NR1I3: variants seen among roughly 807,000 people sequenced by gnomAD.
NR1I3 encodes the protein nuclear receptor subfamily 1 group I member 3.
A neutral mutation model predicts 38.4 loss-of-function variants in NR1I3; 30 were observed. The ratio of observed to expected loss-of-function variants is 0.78; its 90% CI spans 0.58 to 1.06. The LOEUF is 1.06. Ranked by LOEUF, NR1I3 falls within the 50% of genes least tolerant of loss-of-function variation. The pLI, the probability that NR1I3 is intolerant of heterozygous loss-of-function variation, is 0.00. For missense variants in NR1I3, 388 were observed against 435.7 expected (o/e 0.89, Z 0.97); for synonymous variants, 143 against 165.1 (o/e 0.87, Z 1.03).
intron 8 of NR1I3, 189 bp downstream of exon 8, chr1:161,230,624 G>A (rs1666958932): frequency 1.4e-6 from 1 of 716,058 alleles, no homozygotes; most frequent in East Asian, 2.7e-5. Context: ...TGAAACAGCA[G>A]TATCCAAATA....
rs772360080 is a variant in NR1I3 at position 161,238,024 on chromosome 1, C to A, written c.-34+17G>T. 3 of 1,608,536 alleles carry A rather than the reference C, an allele frequency of 1.9e-6. No homozygotes were observed. The Admixed American group carries it at 5.0e-5, about 27-fold the overall frequency. On this transcript the variant is annotated intron_variant, in intron 1 of 8. Transcript: ENST00000367983. ...ATTTTATTACATTTAGTCTTTGGTC[C>A]CCAACAGATTTCCTACCTGCTTCTC...
In NR1I3 at chr1:161,231,040, G is replaced by A. The variant is rs766531510; in HGVS notation, c.811+77C>T. The stretch of plus-strand genomic sequence containing the variant: ...TTTGATAGCTAGGCTAGAAGGCCTG[G>A]GTGGATGGACTCAAGGAGCTGAGTA... On this transcript the variant is annotated intron_variant, in intron 7 of 8. Coordinates refer to ENST00000367983, the MANE Select transcript of NR1I3 (RefSeq NM_005122.5). 5.0e-6 allele frequency: 8 copies of A among 1,613,374 alleles called. No homozygotes were observed. In the South Asian group the frequency reaches 5.5e-5, roughly 11 times the overall value.
intron 6 of NR1I3, 43 bp downstream of exon 6, chr1:161,231,286 A>AC (rs1667209696): frequency 6.2e-7 from 1 of 1,611,358 alleles, no homozygotes; most frequent in Non-Finnish European, 8.5e-7. Context: ...CACATCCTGT[A>AC]CCATGAGGAC....
At chr1:161,231,882 G>C (rs965595151) in intron 5 of NR1I3, among the ~76,000 whole-genome samples, 1 of 151,976 alleles carries the variant, frequency 6.6e-6, no homozygotes, top group Non-Finnish European at 1.5e-5. Context: ...GGGTGGTCTC[G>C]AACTCCTAGG....
At position 161,236,491 on chromosome 1, in the gene NR1I3, C is replaced by A; in HGVS notation, c.75G>T (p.Ala25=). 3 of 1,614,108 alleles carry A rather than the reference C, an allele frequency of 1.9e-6. No individual in the cohort carries two copies. Among genetic ancestry groups the A allele is most frequent in the Non-Finnish European group, 1.7e-6 (2 of 1,180,022 alleles). ...AACCCTTGCAGCCCTCACAAGTCAG[C>A]GCATTAAAGTGGTAGCCTGTGGCTT... is the stretch of plus-strand genomic sequence containing the variant. The part of the protein sequence containing the change: ...GDQATGYHFN[A]LTCEGCKGFF... Residue 25 remains alanine, a synonymous_variant, in exon 2 of 9, where the codon GCG becomes GCT. Coordinates refer to ENST00000367983, the MANE Select transcript of NR1I3 (RefSeq NM_005122.5).
intron 3 of NR1I3, among the ~76,000 whole-genome samples, chr1:161,233,937 A>ATGTATATATG (rs57506256): frequency 0.3 from 43,533 of 143,384 alleles, 7,033 homozygotes; most frequent in African/African-American, 0.38. Context: ...ATGTGTATAC[A>ATGTATATATG]TGTATATATG....
In NR1I3 at chr1:161,231,391, CAG is replaced by C; in HGVS notation, c.630_631del (p.Phe210LeufsTer17). On this transcript the variant is annotated frameshift_variant, in exon 6 of 9. Coordinates refer to ENST00000367983, the MANE Select transcript of NR1I3 (RefSeq NM_005122.5). LOFTEE classifies it high-confidence loss of function. ...GCAGAGGAAGTTTTGTGTTTGGAGA[CAG>C]AAAGTGGTATTGAGTACGATGTGAC... 3 of 1,563,964 alleles carry C rather than the reference CAG, an allele frequency of 1.9e-6. No homozygotes were observed. Among genetic ancestry groups the C allele is most frequent in the Non-Finnish European group, 2.6e-6 (3 of 1,159,258 alleles).
chr1:161,235,254 G>GTTTT, intron 3 of NR1I3: 3 of 92,110 alleles, frequency 3.3e-5, no homozygotes, highest in African/African-American at 4.9e-5. Flanking sequence ...AGTGCGCTTG[G>GTTTT]TGTTTTTTTT....
intron 2 of NR1I3, chr1:161,236,242 G>A: frequency 1.5e-6 from 1 of 657,368 alleles, no homozygotes; most frequent in Non-Finnish European, 2.6e-6. Flanking sequence ...CTAATGGGCT[G>A]TGTCCATCAG....
At chr1:161,230,766 C>G in intron 8 of NR1I3, 47 bp downstream of exon 8, 1 of 1,612,588 alleles carries the variant, frequency 6.2e-7, no homozygotes, top group Non-Finnish European at 8.5e-7. Flanking sequence ...TTCACCAACC[C>G]CTTCCTGCCC....
intron 3 of NR1I3, among the ~76,000 whole-genome samples, chr1:161,234,928 CCAGGAG>C (rs2102176849): frequency 6.6e-6 from 1 of 152,170 alleles, no homozygotes; most frequent in South Asian, 2.1e-4. Flanking sequence ...TCGCCTGAGG[CCAGGAG>C]TTTGAGACCA....
At chr1:161,233,110 A>G in intron 4 of NR1I3, 59 bp downstream of exon 4, 1 of 1,597,982 alleles carries the variant, frequency 6.3e-7, no homozygotes, top group Non-Finnish European at 8.6e-7. Context: ...TCTCCTTCAG[A>G]CCAGCATTTT....
chr1:161,229,769 T>A lies in NR1I3; in HGVS notation c.*28A>T, dbSNP rs748367918. The A allele has an allele frequency of 3.1e-6, 5 of 1,614,188 alleles. No homozygotes were observed. ...TCCAGTGTATCCAGGGTGTTCCAGG[T>A]GAGCTGGGGAAGGAAGTGAGCATGG... On this transcript the variant is annotated 3_prime_UTR_variant, in exon 9 of 9. Coordinates refer to ENST00000367983, the MANE Select transcript of NR1I3 (RefSeq NM_005122.5).
rs1203452597 is a variant in NR1I3 at position 161,237,292 on chromosome 1, G to A, written c.-33-694C>T. Among the ~76,000 whole-genome samples the A allele has an allele frequency of 2.7e-5, 4 of 146,020 alleles. No individual in the cohort carries two copies. The East Asian group carries it at 8.3e-4, about 30-fold the overall frequency. On this transcript the variant is annotated intron_variant, in intron 1 of 8. Transcript: ENST00000367983. The stretch of plus-strand genomic sequence containing the variant: ...GCAATCTTGGCTCGCTACAACCTCC[G>A]CCTCCCAGATTCAAGTGATTCTCAT...
chr1:161,233,883 G>GTATA (rs1667962672), intron 3 of NR1I3, among the ~76,000 whole-genome samples: 4 of 123,648 alleles, frequency 3.2e-5, no homozygotes, highest in Non-Finnish European at 5.2e-5. Context: ...GTGTGTGTGT[G>GTATA]TGTGTATATG....
At chr1:161,237,206 C>CTT (rs113293798) in intron 1 of NR1I3, among the ~76,000 whole-genome samples, 20,692 of 137,320 alleles carry the variant, frequency 0.15, 1,541 homozygotes, top group East Asian at 0.22. Context: ...CCTTTCTTTC[C>CTT]TTTTTTTTTT....
At chr1:161,237,159 T>C (rs1175505970) in intron 1 of NR1I3, among the ~76,000 whole-genome samples, 1 of 151,576 alleles carries the variant, frequency 6.6e-6, no homozygotes, top group East Asian at 1.9e-4. Flanking sequence ...GATATTTTTT[T>C]CTTTTCCTTC....
At chr1:161,230,566 C>G (rs1335304469) in intron 8 of NR1I3, 1 of 587,360 alleles carries the variant, frequency 1.7e-6, no homozygotes, top group Non-Finnish European at 3.0e-6. Flanking sequence ...CTCTGAGCTA[C>G]TACTTTGCAT....
intron 8 of NR1I3, 108 bp downstream of exon 8, chr1:161,230,705 G>A: frequency 6.7e-7 from 1 of 1,484,980 alleles, no homozygotes; most frequent in Non-Finnish European, 9.2e-7. Context: ...CACGATACCT[G>A]AATTCCCTAA....
Sources: allele counts gnomAD v4.1 joint callset (sites outside exome capture counted in the v4.1 genomes callset), GRCh38; gene constraint gnomAD v4.1.1; transcripts MANE v1.5; gene names NCBI Gene and HGNC (gene_info 2026-07-23, HGNC 2026-07-21).